ARL17B: variants seen among roughly 807,000 people sequenced by gnomAD.
The protein encoded by ARL17B is ADP-ribosylation factor-like protein 17.
At chr17:46,285,104 A>G (rs1301792310) in intron 4 of ARL17B, among the ~76,000 whole-genome samples, 1 of 152,198 alleles carries the variant, frequency 6.6e-6, no homozygotes, top group Non-Finnish European at 1.5e-5. Flanking sequence ...AATTGACTCA[A>G]GTGATCCTCC....
intron 4 of ARL17B, among the ~76,000 whole-genome samples, chr17:46,284,745 A>G (rs2049859552): frequency 6.6e-6 from 1 of 152,270 alleles, no homozygotes; most frequent in African/African-American, 2.4e-5. Context: ...ATGAGGTGGC[A>G]GAGATGTGAT....
chr17:46,304,860 C>CTTGT lies in ARL17B; in HGVS notation c.260-5199_260-5196dup, dbSNP rs1295057613. 9.7e-4 allele frequency among the ~76,000 whole-genome samples: 58 copies of CTTGT among 59,852 alleles called. 3 individuals carry two copies. The highest frequency in any genetic ancestry group is 3.5e-3 in the South Asian group (4 of 1,128). The allele number at this position is 59,852 out of a possible 152,430, so 39.3% of individuals were successfully genotyped here. On this transcript the variant is annotated intron_variant, in intron 3 of 4. Transcript: ENST00000434041. ...ACTAAGAAGGTGTAGAAATGTGAGA[C>CTTGT]TTGTTTGTTTGTTTGTTTGTTTGTT...
intron 4 of ARL17B, among the ~76,000 whole-genome samples, chr17:46,283,212 C>T (rs1278785027): frequency 6.6e-6 from 1 of 152,194 alleles, no homozygotes; most frequent in Non-Finnish European, 1.5e-5. Flanking sequence ...TTTATACCCC[C>T]ACCAGCCTTG....
chr17:46,290,850 G>A (rs2732599), intron 4 of ARL17B, among the ~76,000 whole-genome samples: 18,783 of 150,282 alleles, frequency 0.12, 1 homozygote, highest in Non-Finnish European at 0.19. Context: ...GATTCCCCAC[G>A]CCAAAATTTC....
chr17:46,314,436 G>C lies in ARL17B; in HGVS notation c.260-14771C>G, dbSNP rs2050958022. 2.5e-5 allele frequency among the ~76,000 whole-genome samples: 2 copies of C among 79,122 alleles called. 1 individual carries two copies. The highest frequency in any genetic ancestry group is 6.7e-5 in the African/African-American group (2 of 29,910). 51.9% of individuals were successfully genotyped at this position (79,122 alleles called of 152,430 possible). A position where few individuals can be genotyped will look rare whatever the true frequency, so the allele number is the denominator to read the frequency against. On this transcript the variant is annotated intron_variant, in intron 3 of 4. Transcript: ENST00000434041. ...GTAGGGGGTCCACCTTCATTATTTTGCACATAGATGTTCAGGTGACGCCAT... is the reference window on the plus strand; with the variant it reads ...GTAGGGGGTCCACCTTCATTATTTTCCACATAGATGTTCAGGTGACGCCAT...
At chr17:46,290,683 G>C (rs1238922426) in intron 4 of ARL17B, among the ~76,000 whole-genome samples, 2 of 152,224 alleles carry the variant, frequency 1.3e-5, no homozygotes, top group African/African-American at 2.4e-5. Flanking sequence ...CTGACCTCAA[G>C]TGATCGTTTC....
intron 3 of ARL17B, among the ~76,000 whole-genome samples, chr17:46,314,403 T>A (rs1282773960): frequency 1.3e-5 from 1 of 74,478 alleles, no homozygotes; most frequent in African/African-American, 3.5e-5. Flanking sequence ...CTTATAATCG[T>A]GTGAGATGTA....
intron 4 of ARL17B, among the ~76,000 whole-genome samples, chr17:46,289,027 T>C (rs1469258908): frequency 6.6e-6 from 1 of 152,166 alleles, no homozygotes; most frequent in African/African-American, 2.4e-5. Context: ...AATATGCATT[T>C]TGCCATACTT....
At chr17:46,307,785 G>A (rs2050618011) in intron 3 of ARL17B, among the ~76,000 whole-genome samples, 3 of 79,096 alleles carry the variant, frequency 3.8e-5, no homozygotes, top group African/African-American at 9.4e-5. Context: ...TGCTGAGGTG[G>A]GTGGATCACC....
chr17:46,319,208 G>T, intron 3 of ARL17B, among the ~76,000 whole-genome samples: 1 of 4,970 alleles, frequency 2.0e-4, no homozygotes, highest in African/African-American at 7.3e-4. Context: ...GTTTATTGTG[G>T]TCAATTTTTT....
At chr17:46,285,520 T>C (rs2732619) in intron 4 of ARL17B, among the ~76,000 whole-genome samples, 13,523 of 143,334 alleles carry the variant, frequency 0.094, no homozygotes, top group Non-Finnish European at 0.15. Flanking sequence ...GGATTACAGG[T>C]GTGAGCCCCC....
chr17:46,317,104 C>T (rs1404717072), intron 3 of ARL17B, among the ~76,000 whole-genome samples: 2 of 86,160 alleles, frequency 2.3e-5, no homozygotes, highest in Non-Finnish European at 3.5e-5. Flanking sequence ...GTCATCATGG[C>T]CCGTTCTCAA....
rs1268150354 is a variant in ARL17B, at chr17:46,327,490, G to A, written c.259+25330C>T. 1.5e-4 allele frequency among the ~76,000 whole-genome samples: 3 copies of A among 20,588 alleles called. 1 individual carries two copies. Among genetic ancestry groups the A allele is most frequent in the African/African-American group, 2.5e-4 (3 of 12,224 alleles). The allele number at this position is 20,588 out of a possible 152,430, so 13.5% of individuals were successfully genotyped here. On this transcript the variant is annotated intron_variant, in intron 3 of 4. Transcript: ENST00000434041. ...AGCCTATACTCCCAGCTACTCAGGA[G>A]GCTGAATTTGGAGGATCCCTTGAGC...
intron 4 of ARL17B, among the ~76,000 whole-genome samples, chr17:46,280,319 G>T (rs57793646): frequency 1.5e-4 from 23 of 152,090 alleles, no homozygotes; most frequent in African/African-American, 5.6e-4. Flanking sequence ...AGGTGAGATT[G>T]CACCACTGCA....
chr17:46,330,554 T>G (rs2051881918), downstream of ARL17B: 1 of 195,302 alleles, frequency 5.1e-6, no homozygotes, highest in East Asian at 3.9e-5. Flanking sequence ...AGAGGAGCCC[T>G]CAGACAGCAG....
At chr17:46,282,409 TTTTG>T (rs1171559271) in intron 4 of ARL17B, among the ~76,000 whole-genome samples, 3 of 149,158 alleles carry the variant, frequency 2.0e-5, no homozygotes, top group Non-Finnish European at 3.0e-5. Context: ...GGCCTCAGTT[TTTTG>T]TTTGTTTTTT....
intron 4 of ARL17B, among the ~76,000 whole-genome samples, chr17:46,289,245 T>G (rs957460246): frequency 6.6e-6 from 1 of 152,060 alleles, no homozygotes. Flanking sequence ...TGCAGTGACA[T>G]AAACACGGCT....
intron 3 of ARL17B, among the ~76,000 whole-genome samples, chr17:46,344,635 ACTGATTCCC>A (rs2052634517): frequency 1.3e-5 from 1 of 76,826 alleles, no homozygotes. Flanking sequence ...GCAGTGGGAC[ACTGATTCCC>A]AAAAAATTAC....
Position 46,324,693 on chromosome 17 carries a change from A to C in ARL17B, c.260-25028T>G, listed in dbSNP as rs1368457160. On this transcript the variant is annotated intron_variant, in intron 3 of 4. Coordinates refer to the ARL17B transcript ENST00000434041. Reference sequence around the variant, plus strand: ...ATAGATATAGATATATATATAAATCAGCCAGGTGTGGTGGCACACGCCTGT... The same window carrying C: ...ATAGATATAGATATATATATAAATCCGCCAGGTGTGGTGGCACACGCCTGT... Among the ~76,000 whole-genome samples the C allele has an allele frequency of 3.0e-5, 2 of 66,032 alleles. 1 individual carries two copies. The highest frequency in any genetic ancestry group is 3.3e-4 in the Admixed American group (2 of 5,972). The allele number at this position is 66,032 out of a possible 152,430, so 43.3% of individuals were successfully genotyped here.
Sources: allele counts gnomAD v4.1 joint callset (sites outside exome capture counted in the v4.1 genomes callset), GRCh38; gene constraint gnomAD v4.1.1; transcripts MANE v1.5; gene names NCBI Gene and HGNC (gene_info 2026-07-23, HGNC 2026-07-21).